The following MET variants were observed in gnomAD, a reference collection of about 807,000 sequenced individuals.
MET encodes the protein hepatocyte growth factor receptor.
Under a neutral mutation model 133.1 loss-of-function variants are expected in MET, and 48 were observed. The observed-to-expected ratio is 0.36, with a 90% CI of 0.29 to 0.46. The LOEUF (loss-of-function observed/expected upper bound fraction) is 0.46. Ranked by LOEUF, MET falls within the 20% of genes least tolerant of loss-of-function variation. The pLI, the probability that MET is intolerant of heterozygous loss-of-function variation, is 1.00. For missense variants in MET, 1,442 were observed against 1,695.9 expected (o/e 0.85, Z 2.63); for synonymous variants, 628 against 616.5 (o/e 1.02, Z -0.28).
intron 5 of MET, among the ~76,000 whole-genome samples, chr7:116,748,332 T>C (rs1304433160): frequency 6.6e-6 from 1 of 152,204 alleles, no homozygotes; most frequent in Non-Finnish European, 1.5e-5. Context: ...GAATGACTAC[T>C]GACTACTCGG....
chr7:116,698,241 A>T (rs1383044067), intron 1 of MET, among the ~76,000 whole-genome samples: 1 of 152,232 alleles, frequency 6.6e-6, no homozygotes. Flanking sequence ...ATGTTTCCTC[A>T]TAGAAATACT....
chr7:116,681,846 A>G (rs1042540370), intron 1 of MET, among the ~76,000 whole-genome samples: 9 of 152,270 alleles, frequency 5.9e-5, no homozygotes, highest in African/African-American at 2.2e-4. Context: ...TTAAAATATT[A>G]CCTTAGCTAT....
In MET at chr7:116,775,035, G is replaced by A. The variant is rs1554398889; in HGVS notation, c.3183G>A (p.Glu1061=). ...VHIDLSALNP[E]LVQAVQHVVI... is the part of the protein sequence containing the mutation. ...TTGACCTCAGTGCTCTAAATCCAGA[G>A]CTGGTCCAGGCAGTGCAGCATGTAG... The change falls in exon 15 of 21, where the codon GAG becomes GAA. Residue 1061 remains glutamate, a synonymous_variant. Coordinates refer to ENST00000397752, the MANE Select transcript of MET (RefSeq NM_000245.4). 4 of 1,614,192 alleles carry A rather than the reference G, an allele frequency of 2.5e-6. No homozygotes were observed. The highest frequency in any genetic ancestry group is 1.7e-6 in the Non-Finnish European group (2 of 1,180,024).
intron 11 of MET, among the ~76,000 whole-genome samples, chr7:116,768,014 A>ATG (rs1277651598): frequency 4.3e-4 from 63 of 146,364 alleles, no homozygotes; most frequent in East Asian, 3.6e-3. Context: ...GTGTATACAT[A>ATG]TGTGTGTGTG....
intron 1 of MET, among the ~76,000 whole-genome samples, chr7:116,681,717 C>T (rs1402909043): frequency 6.6e-6 from 1 of 152,206 alleles, no homozygotes; most frequent in Non-Finnish European, 1.5e-5. Flanking sequence ...AGGCAGAATT[C>T]ATATGGCTCC....
intron 19 of MET, among the ~76,000 whole-genome samples, chr7:116,789,516 G>T (rs1404557562): frequency 1.3e-5 from 2 of 152,318 alleles, no homozygotes; most frequent in East Asian, 3.9e-4. Context: ...ACATAGAACA[G>T]TTCTATCATC....
intron 2 of MET, among the ~76,000 whole-genome samples, chr7:116,726,143 G>GTATATATATATATATA (rs1301312767): frequency 1.3e-4 from 1 of 7,842 alleles, no homozygotes; most frequent in Non-Finnish European, 2.7e-4. Flanking sequence ...CTATATATAT[G>GTATATATATATATATA]TATATATATA....
At chr7:116,676,992 T>TG (rs1021985034) in intron 1 of MET, among the ~76,000 whole-genome samples, 8 of 151,790 alleles carry the variant, frequency 5.3e-5, no homozygotes, top group South Asian at 2.1e-4. Context: ...TGTTTTGTTT[T>TG]TTTTTTTGTT....
chr7:116,731,555 C>T, intron 2 of MET, 113 bp from the exon 3 acceptor site: 1 of 1,077,588 alleles, frequency 9.3e-7, no homozygotes, highest in Non-Finnish European at 1.4e-6. Flanking sequence ...TGTCTATTTG[C>T]ATGATTATCC....
chr7:116,681,229 A>G (rs1796346503), intron 1 of MET, among the ~76,000 whole-genome samples: 1 of 152,264 alleles, frequency 6.6e-6, no homozygotes, highest in East Asian at 1.9e-4. Flanking sequence ...TGTCAGAGGC[A>G]TGTTCTAAGC....
At chr7:116,700,465 C>A (rs952188821) in intron 2 of MET, among the ~76,000 whole-genome samples, 181 bp downstream of exon 2, 1 of 142,250 alleles carries the variant, frequency 7.0e-6, no homozygotes, top group Non-Finnish European at 1.6e-5. Flanking sequence ...AAAATTATAT[C>A]TTTAAAATGT....
intron 1 of MET, among the ~76,000 whole-genome samples, chr7:116,682,137 C>CA (rs1314775000): frequency 6.0e-5 from 9 of 151,064 alleles, no homozygotes; most frequent in East Asian, 1.9e-4. Flanking sequence ...AAGAACTTAC[C>CA]AAAAAAAAAT....
At chr7:116,754,258 G>A (rs1402818786) in intron 5 of MET, among the ~76,000 whole-genome samples, 1 of 152,174 alleles carries the variant, frequency 6.6e-6, no homozygotes, top group Non-Finnish European at 1.5e-5. Flanking sequence ...GCAAACACTG[G>A]ATACCAAATG....
intron 5 of MET, among the ~76,000 whole-genome samples, chr7:116,749,206 T>C (rs542282757): frequency 1.3e-5 from 2 of 152,294 alleles, no homozygotes; most frequent in South Asian, 4.1e-4. Flanking sequence ...GTGAACATCC[T>C]CAATACAATA....
intron 5 of MET, among the ~76,000 whole-genome samples, chr7:116,747,693 C>A (rs947558298): frequency 1.3e-5 from 2 of 152,150 alleles, no homozygotes; most frequent in Non-Finnish European, 2.9e-5. Context: ...TTTAACACCC[C>A]ACTATCAACA....
chr7:116,759,339 C>G lies in MET; in HGVS notation c.2265-52C>G, dbSNP rs1481670311. The stretch of plus-strand genomic sequence containing the variant: ...TAAATTGAATCCCTCTCTTACAGTA[C>G]TTGGTGGAAAGAACCTCTCAACATT... On this transcript the variant is annotated intron_variant, in intron 9 of 20. Transcript: ENST00000397752. 2 of 1,587,628 alleles carry G rather than the reference C, an allele frequency of 1.3e-6. No individual in the cohort carries two copies. Among genetic ancestry groups the G allele is most frequent in the African/African-American group, 2.7e-5 (2 of 74,770 alleles).
At chr7:116,691,670 T>C (rs903367021) in intron 1 of MET, among the ~76,000 whole-genome samples, 3 of 152,160 alleles carry the variant, frequency 2.0e-5, no homozygotes, top group Non-Finnish European at 4.4e-5. Flanking sequence ...AGTTTCATGC[T>C]CAGGCTGGCT....
In MET at chr7:116,678,036, G is replaced by A. The variant is rs77887158; in HGVS notation, c.-15+5459G>A. Among the ~76,000 whole-genome samples the A allele has an allele frequency of 6.2e-4, 94 of 151,840 alleles. 3 individuals are homozygous for A. The East Asian group carries it at 0.016, about 26-fold the overall frequency. ...CTCTGGAAATGACTGAACTTCACCC[G>A]TTGTTATTACCCTGCCATTGAAATT... is the stretch of plus-strand genomic sequence containing the variant. On this transcript the variant is annotated intron_variant, in intron 1 of 20. Transcript: ENST00000397752.
intron 19 of MET, among the ~76,000 whole-genome samples, chr7:116,794,840 T>C (rs543860463): frequency 1.8e-4 from 27 of 152,346 alleles, no homozygotes; most frequent in Non-Finnish European, 2.9e-4. Context: ...GGAGATAATA[T>C]GTATGACCTG....
Sources: gnomAD v4.1 joint callset for allele counts (sites outside exome capture counted in the v4.1 genomes callset) on GRCh38, gnomAD v4.1.1 for gene constraint, MANE v1.5 for transcripts, NCBI Gene and HGNC (gene_info 2026-07-23, HGNC 2026-07-21) for gene names.